PSD3: variants seen among roughly 807,000 people sequenced by gnomAD.
PSD3 encodes the protein PH and SEC7 domain-containing protein 3.
In PSD3, 49 loss-of-function variants were observed where a neutral mutation model predicts 105.5. The observed-to-expected ratio is 0.46, with a 90% CI of 0.37 to 0.59. The LOEUF is 0.59. Among genes scored for constraint, PSD3 ranks in the 20% least tolerant of loss-of-function variants. PSD3 has a pLI of 0.00. For missense variants in PSD3, 1,561 were observed against 1,263.8 expected, an observed-to-expected ratio of 1.24 and a Z score of -3.57; for synonymous variants, 557 against 457.8, an observed-to-expected ratio of 1.22 and a Z score of -2.77.
chr8:18,729,712 C>G (rs966332182), intron 9 of PSD3, among the ~76,000 whole-genome samples: 2 of 152,190 alleles, frequency 1.3e-5, no homozygotes, highest in African/African-American at 2.4e-5. Flanking sequence ...AGCTTGCACT[C>G]TCTCTGGGCC....
chr8:18,592,689 AAAAC>A (rs548763897), intron 12 of PSD3, among the ~76,000 whole-genome samples: 85 of 145,630 alleles, frequency 5.8e-4, no homozygotes, highest in Middle Eastern at 6.9e-3. Context: ...GGTGCTCAAA[AAAAC>A]AAACAAACAA....
chr8:18,653,631 T>C (rs184706878), intron 10 of PSD3, among the ~76,000 whole-genome samples: 2 of 152,174 alleles, frequency 1.3e-5, no homozygotes, highest in African/African-American at 2.4e-5. Flanking sequence ...CAAGATGCTC[T>C]GCTAACTTCA....
chr8:18,831,590 C>G (rs543136275), intron 4 of PSD3, among the ~76,000 whole-genome samples: 4 of 152,068 alleles, frequency 2.6e-5, no homozygotes, highest in African/African-American at 9.7e-5. Context: ...GGAGTGGTGG[C>G]GGGCGCCTAT....
At chr8:19,073,123 C>G (rs1040740139) in intron 1 of PSD3, among the ~76,000 whole-genome samples, 5 of 138,348 alleles carry the variant, frequency 3.6e-5, no homozygotes, top group South Asian at 2.6e-4. Context: ...TTTTTCTTGC[C>G]TCTTAACAGA....
intron 4 of PSD3, among the ~76,000 whole-genome samples, chr8:18,826,414 T>G (rs1813189032): frequency 6.6e-6 from 1 of 152,214 alleles, no homozygotes; most frequent in African/African-American, 2.4e-5. Flanking sequence ...CAAAGAGAAT[T>G]GTATCAGTAG....
chr8:18,846,667 G>A (rs1316353272), intron 4 of PSD3, among the ~76,000 whole-genome samples: 1 of 152,172 alleles, frequency 6.6e-6, no homozygotes, highest in East Asian at 1.9e-4. Flanking sequence ...ACTTAGTGCT[G>A]TGCAGAAATT....
rs200307352 is a variant in PSD3 at position 18,570,103 on chromosome 8, G to A, written c.2784+2425C>T. Among the ~76,000 whole-genome samples the A allele has an allele frequency of 3.5e-4, 6 of 17,140 alleles. 3 individuals are homozygous for A. The highest frequency in any genetic ancestry group is 6.6e-4 in the African/African-American group (6 of 9,140). The allele number at this position is 17,140 out of a possible 152,430, so 11.2% of individuals were successfully genotyped here. A position where few individuals can be genotyped will look rare whatever the true frequency, so the allele number is the denominator to read the frequency against. On this transcript the variant is annotated intron_variant, in intron 14 of 15. Coordinates refer to ENST00000327040, the MANE Select transcript of PSD3 (RefSeq NM_015310.4). Reference sequence around the variant, plus strand: ...ACAAGGCTATAGCAACCAAAACACCGTGGTACTGGTACCAAAACAGAGATA... The same window carrying A: ...ACAAGGCTATAGCAACCAAAACACCATGGTACTGGTACCAAAACAGAGATA...
intron 9 of PSD3, among the ~76,000 whole-genome samples, chr8:18,735,263 C>T (rs13439117): frequency 0.12 from 17,658 of 151,852 alleles, 1,759 homozygotes; most frequent in East Asian, 0.4. Context: ...TGTTGAGATA[C>T]GGAAATAATG....
intron 9 of PSD3, among the ~76,000 whole-genome samples, chr8:18,688,173 T>C (rs1337124100): frequency 6.6e-6 from 1 of 152,160 alleles, no homozygotes; most frequent in East Asian, 1.9e-4. Context: ...TGAGCAAAGA[T>C]CCTGGACTCA....
At chr8:18,881,829 C>A (rs1475618969) in intron 2 of PSD3, among the ~76,000 whole-genome samples, 1 of 152,110 alleles carries the variant, frequency 6.6e-6, no homozygotes, top group African/African-American at 2.4e-5. Flanking sequence ...ATCTCCAGAG[C>A]CTATAACAAT....
chr8:18,660,385 G>T (rs182372928), intron 9 of PSD3, among the ~76,000 whole-genome samples: 1 of 152,134 alleles, frequency 6.6e-6, no homozygotes, highest in Admixed American at 6.5e-5. Flanking sequence ...CTCTGCAATT[G>T]TGAGAATGCA....
Position 18,577,092 on chromosome 8 carries a change from A to C in PSD3, c.2482-1807T>G, listed in dbSNP as rs143982941. On this transcript the variant is annotated intron_variant, in intron 12 of 15. Coordinates refer to ENST00000327040, the MANE Select transcript of PSD3 (RefSeq NM_015310.4). ...CTGAGTATGGGTTACACTGTGTAGC[A>C]GAGTTTGGGAAAGAAGAGTATTTTT... is the stretch of plus-strand genomic sequence containing the variant. Among the ~76,000 whole-genome samples the C allele has an allele frequency of 9.2e-3, 1,403 of 152,122 alleles. 11 individuals carry two copies. The highest frequency in any genetic ancestry group is 0.013 in the Non-Finnish European group (868 of 67,948).
chr8:18,587,953 G>A (rs755052534), intron 12 of PSD3, among the ~76,000 whole-genome samples: 11 of 152,116 alleles, frequency 7.2e-5, no homozygotes, highest in African/African-American at 1.4e-4. Flanking sequence ...TTCCAACCAG[G>A]GGGACGGATT....
chr8:18,798,307 T>C (rs1315103660), intron 8 of PSD3, among the ~76,000 whole-genome samples: 1 of 152,176 alleles, frequency 6.6e-6, no homozygotes, highest in Non-Finnish European at 1.5e-5. Flanking sequence ...AGGAACTTTC[T>C]AGCTGAGTAT....
Position 18,868,015 on chromosome 8 carries a change from A to C in PSD3, c.1293T>G (p.Pro431=). ...CGTCGGTGGAGTCCTCCGTATATCC[A>C]GGCCCAAGGATGTCTTCATCTTCCC... The part of the protein sequence containing the change: ...VKGEDEDILG[P]GYTEDSTDVY... Residue 431 remains proline (P), a synonymous_variant, in exon 4 of 16, where the codon CCT becomes CCG. Coordinates refer to ENST00000327040, the MANE Select transcript of PSD3 (RefSeq NM_015310.4). 6.2e-7 allele frequency: 1 copy of C among 1,613,876 alleles called. No individual in the cohort carries two copies. The highest frequency in any genetic ancestry group is 8.5e-7 in the Non-Finnish European group (1 of 1,179,926).
intron 11 of PSD3, among the ~76,000 whole-genome samples, chr8:18,601,738 T>A (rs922802346): frequency 2.6e-5 from 4 of 152,132 alleles, no homozygotes; most frequent in African/African-American, 9.7e-5. Flanking sequence ...AAAAAGCAAC[T>A]AAGATAAACA....
intron 11 of PSD3, among the ~76,000 whole-genome samples, chr8:18,615,478 T>C (rs569184956): frequency 6.6e-6 from 1 of 152,344 alleles, no homozygotes; most frequent in Admixed American, 6.5e-5. Flanking sequence ...CACCCTTCTA[T>C]ATAGAAGTAA....
chr8:18,797,220 C>G (rs1233004370), intron 8 of PSD3, among the ~76,000 whole-genome samples: 1 of 152,112 alleles, frequency 6.6e-6, no homozygotes, highest in Non-Finnish European at 1.5e-5. Flanking sequence ...TAGACAATCC[C>G]AAGTATATCG....
chr8:18,697,655 ATCCCCAGAAGG>A (rs1801334591), intron 9 of PSD3, among the ~76,000 whole-genome samples: 1 of 152,152 alleles, frequency 6.6e-6, no homozygotes, highest in Admixed American at 6.5e-5. Context: ...TTATCTTAAA[ATCCCCAGAAGG>A]TCCCAAAGCT....
Sources: allele counts gnomAD v4.1 joint callset (sites outside exome capture counted in the v4.1 genomes callset), GRCh38; gene constraint gnomAD v4.1.1; transcripts MANE v1.5; gene names NCBI Gene and HGNC (gene_info 2026-07-23, HGNC 2026-07-21).